The following ZHX2 variants were observed in gnomAD, a reference collection of about 807,000 sequenced individuals.
The protein encoded by ZHX2 is zinc fingers and homeoboxes protein 2.
In ZHX2, 6 loss-of-function variants were observed where a neutral mutation model predicts 21.9. The ratio of observed to expected loss-of-function variants is 0.27; its 90% CI spans 0.15 to 0.54. ZHX2 has a LOEUF of 0.54. ZHX2 is among the 20% of genes least tolerant of loss of function. The probability of loss-of-function intolerance (pLI) is 0.95; values close to 1 mark genes in which losing one functional copy is unlikely to be tolerated. For synonymous variants in ZHX2, 434 were observed against 437.1 expected (o/e 0.99, Z 0.09); for missense variants, 908 against 1,090.7 (o/e 0.83, Z 2.36).
At chr8:122,823,373 A>G (rs1818196377) in intron 1 of ZHX2, among the ~76,000 whole-genome samples, 1 of 152,252 alleles carries the variant, frequency 6.6e-6, no homozygotes, top group Non-Finnish European at 1.5e-5. Flanking sequence ...CATGGGTTAA[A>G]TGTACTCTCC....
chr8:122,929,417 C>A (rs1563588726), intron 2 of ZHX2, among the ~76,000 whole-genome samples: 1 of 152,126 alleles, frequency 6.6e-6, no homozygotes, highest in Non-Finnish European at 1.5e-5. Flanking sequence ...CCAAGGCGGG[C>A]AGATCACTTG....
At chr8:122,849,713 T>C (rs1430246599) in intron 1 of ZHX2, among the ~76,000 whole-genome samples, 1 of 152,172 alleles carries the variant, frequency 6.6e-6, no homozygotes, top group East Asian at 1.9e-4. Flanking sequence ...CTTAACTTAA[T>C]TACATCTACA....
At chr8:122,972,339 A>C (rs1477684975) in intron 3 of ZHX2, among the ~76,000 whole-genome samples, 1 of 152,200 alleles carries the variant, frequency 6.6e-6, no homozygotes, top group South Asian at 2.1e-4. Flanking sequence ...AGGTCCTTGG[A>C]CTATTTTCAT....
chr8:122,857,027 C>A lies in ZHX2; in HGVS notation c.-282-6450C>A, dbSNP rs1041941062. On this transcript the variant is annotated intron_variant, in intron 1 of 3. Transcript: ENST00000314393. ...GCCAGTCTCTGGGGTCCACCGTGCC[C>A]CTCCCGCCACAGCCCACACATGCCC... Among the ~76,000 whole-genome samples, 14 of 152,256 alleles carry A rather than the reference C, an allele frequency of 9.2e-5. No homozygotes were observed. The East Asian group carries it at 2.7e-3, about 29-fold the overall frequency.
intron 2 of ZHX2, among the ~76,000 whole-genome samples, chr8:122,933,746 G>A (rs1181518568): frequency 1.3e-5 from 2 of 152,246 alleles, no homozygotes; most frequent in African/African-American, 4.8e-5. Context: ...AACTTAGGTA[G>A]ATACACATAC....
At chr8:122,811,846 G>C (rs1563738558) in intron 1 of ZHX2, 1 of 152,242 alleles carries the variant, frequency 6.6e-6, no homozygotes, top group Non-Finnish European at 1.5e-5. Flanking sequence ...CACTCACTTT[G>C]TGTATCAGTG....
chr8:122,809,555 A>T (rs1040604574), intron 1 of ZHX2, among the ~76,000 whole-genome samples: 1 of 152,166 alleles, frequency 6.6e-6, no homozygotes, highest in Non-Finnish European at 1.5e-5. Flanking sequence ...ATTGGAAACT[A>T]ACCTCACAGG....
intron 1 of ZHX2, among the ~76,000 whole-genome samples, chr8:122,860,987 C>T (rs1819152003): frequency 7.2e-6 from 1 of 138,312 alleles, no homozygotes; most frequent in African/African-American, 2.7e-5. Context: ...GAGCCGAGAT[C>T]ATGCCACTGC....
chr8:122,841,902 A>C (rs1345765533), intron 1 of ZHX2, among the ~76,000 whole-genome samples: 6 of 152,194 alleles, frequency 3.9e-5, no homozygotes, highest in Non-Finnish European at 8.8e-5. Context: ...CTAAACTTGT[A>C]CTGAGATATG....
At chr8:122,818,844 T>C (rs1818083634) in intron 1 of ZHX2, among the ~76,000 whole-genome samples, 1 of 152,134 alleles carries the variant, frequency 6.6e-6, no homozygotes, top group South Asian at 2.1e-4. Flanking sequence ...CCAGTAACTG[T>C]AGGGATGGTT....
chr8:122,952,515 C>G lies in ZHX2; in HGVS notation c.1005C>G (p.Asn335Lys). 6.2e-7 allele frequency: 1 copy of G among 1,614,170 alleles called. No homozygotes were observed. The highest frequency in any genetic ancestry group is 8.5e-7 in the Non-Finnish European group (1 of 1,180,028). ...AGGAGGCCCGGAAGAAGATGTTCAACGGCACCATCCAGTCAGTACCCCCGA... is the reference window on the plus strand; with the variant it reads ...AGGAGGCCCGGAAGAAGATGTTCAAGGGCACCATCCAGTCAGTACCCCCGA... ...EVEEARKKMFNGTIQSVPPTI... is the reference protein window; with the variant it reads ...EVEEARKKMFKGTIQSVPPTI... Residue 335 changes from asparagine (N) to lysine (K), a missense_variant, in exon 3 of 4, where the codon AAC (asparagine) becomes AAG (lysine). By Grantham distance (94) the Asn-to-Lys change is moderately conservative. Transcript: ENST00000314393. This position sits in a 1 kb window ranked among gnomAD's most constrained non-coding sequence, Gnocchi z 6.9.
Position 122,907,490 on chromosome 8 carries a change from A to C in ZHX2, c.-219-43802A>C, listed in dbSNP as rs1327811578. 2.0e-5 allele frequency among the ~76,000 whole-genome samples: 3 copies of C among 152,180 alleles called. No individual in the cohort carries two copies. The East Asian group carries it at 5.8e-4, about 29-fold the overall frequency. ...CTCAGTGAGCGGAGGGGTGACTTTG[A>C]ATAGAATGGGAGGCAGGTTTGCCCT... is the stretch of plus-strand genomic sequence containing the variant. On this transcript the variant is annotated intron_variant, in intron 2 of 3. Transcript: ENST00000314393.
intron 3 of ZHX2, among the ~76,000 whole-genome samples, chr8:122,970,920 T>C (rs1039552022): frequency 1.3e-5 from 2 of 152,176 alleles, no homozygotes; most frequent in Non-Finnish European, 1.5e-5. Flanking sequence ...CCTAGCTCTG[T>C]GCATGGAGAG....
chr8:122,800,086 C>A (rs979587949), intron 1 of ZHX2, among the ~76,000 whole-genome samples: 6 of 152,116 alleles, frequency 3.9e-5, no homozygotes, highest in Admixed American at 2.0e-4. Context: ...AGACTCCTGA[C>A]CTCAAGTGAT....
intron 2 of ZHX2, among the ~76,000 whole-genome samples, chr8:122,896,584 G>A (rs929107110): frequency 6.6e-6 from 1 of 152,070 alleles, no homozygotes; most frequent in Non-Finnish European, 1.5e-5. Context: ...ACATGCTAAG[G>A]CTCCAGCCAT....
At chr8:122,893,046 GA>G (rs1820018332) in intron 2 of ZHX2, among the ~76,000 whole-genome samples, 2 of 152,328 alleles carry the variant, frequency 1.3e-5, no homozygotes, top group East Asian at 3.9e-4. Flanking sequence ...CTTATCTGGG[GA>G]AAACTTTATT....
At chr8:122,906,936 G>T (rs977967208) in intron 2 of ZHX2, among the ~76,000 whole-genome samples, 2 of 152,050 alleles carry the variant, frequency 1.3e-5, no homozygotes, top group African/African-American at 4.8e-5. Context: ...CTCCCAAAGT[G>T]CTGGGATTAC....
chr8:122,802,569 C>T (rs761917330), intron 1 of ZHX2, among the ~76,000 whole-genome samples: 2 of 152,198 alleles, frequency 1.3e-5, no homozygotes, highest in African/African-American at 2.4e-5. Context: ...ACTGTCATGA[C>T]GTTTCCGTGG....
At chr8:122,827,716 C>T (rs1339501527) in intron 1 of ZHX2, among the ~76,000 whole-genome samples, 6 of 152,204 alleles carry the variant, frequency 3.9e-5, no homozygotes, top group Admixed American at 1.3e-4. Context: ...TTCTCAAGGT[C>T]GGCAGCCCTC....
Sources: gnomAD v4.1 joint callset for allele counts (sites outside exome capture counted in the v4.1 genomes callset) on GRCh38, gnomAD v4.1.1 for gene constraint, Gnocchi (gnomAD v3.1) non-coding constraint, MANE v1.5 for transcripts, NCBI Gene and HGNC (gene_info 2026-07-23, HGNC 2026-07-21) for gene names.